Variants in PHKG1 observed in about 807,000 individuals in gnomAD.
PHKG1 encodes phosphorylase kinase catalytic subunit gamma 1.
In PHKG1, 48 loss-of-function variants were observed where a neutral mutation model predicts 50.5. The observed-to-expected ratio is 0.95, with a 90% CI of 0.75 to 1.21. The LOEUF is 1.21. Among genes scored for constraint, PHKG1 ranks in the 50% most tolerant of loss-of-function variants. The pLI is 0.00. For synonymous variants in PHKG1, 204 were observed against 212.8 expected (o/e 0.96, Z 0.36); for missense variants, 487 against 519.5 (o/e 0.94, Z 0.61).
chr7:56,090,702 T>C (rs777677576), intron 1 of PHKG1, among the ~76,000 whole-genome samples: 1 of 152,058 alleles, frequency 6.6e-6, no homozygotes, highest in Non-Finnish European at 1.5e-5. Flanking sequence ...TGAATGTGAG[T>C]CAAGGGTTGG....
rs111518183 is a variant in PHKG1 at position 56,086,616 on chromosome 7, G to A, written c.317+354C>T. On this transcript the variant is annotated intron_variant, in intron 4 of 9. Transcript: ENST00000297373. ...CGATTCTCCTGCCTCAGCCTCCCGC[G>A]TAGCTGGGGCCTCAGCCTCCCAAAC... Among the ~76,000 whole-genome samples, 9 of 152,234 alleles carry A rather than the reference G, an allele frequency of 5.9e-5. 1 individual carries two copies. Among genetic ancestry groups the A allele is most frequent in the East Asian group, 1.9e-4 (1 of 5,172 alleles).
chr7:56,087,194 T>TTTATTATTATTA (rs56665611), intron 3 of PHKG1, among the ~76,000 whole-genome samples, 170 bp from the exon 4 acceptor site: 145 of 136,080 alleles, frequency 1.1e-3, no homozygotes, highest in Admixed American at 4.5e-3. Context: ...GCCCAGGGAC[T>TTTATTATTATTA]TTATTATTAT....
At position 56,088,870 on chromosome 7, in the gene PHKG1, C is replaced by A; in HGVS notation, c.72G>T (p.Glu24Asp). The change falls in exon 2 of 10, where the codon GAG (glutamate) becomes GAT (aspartate). Residue 24 changes from glutamate (E) to aspartate (D), a missense_variant. Glu to Asp is a conservative substitution (Grantham distance 45, BLOSUM62 2). Transcript: ENST00000297373. ...AGCTTGGGCTTTACCTGCCCAGGAT[C>A]TCTTTGGGCTCATAATTCTCATAGA... Reference protein sequence around the residue: ...QDFYENYEPKEILGRGVSSVV... With the variant: ...QDFYENYEPKDILGRGVSSVV... The A allele has an allele frequency of 6.2e-7, 1 of 1,612,310 alleles. No homozygotes were observed. The highest frequency in any genetic ancestry group is 8.5e-7 in the Non-Finnish European group (1 of 1,178,792).
chr7:56,083,461 T>A lies in PHKG1; in HGVS notation c.384-20A>T. The A allele has an allele frequency of 1.2e-6, 2 of 1,613,076 alleles. No homozygotes were observed. The highest frequency in any genetic ancestry group is 1.7e-6 in the Non-Finnish European group (2 of 1,179,186). ...ATCTTTCTAGGGTGGGGCACACACT[T>A]GTTACTCTTCCTCTGCTCAGGGTCA... On this transcript the variant is annotated intron_variant, in intron 5 of 9. Transcript: ENST00000297373.
chr7:56,085,965 ACT>A (rs1202778803), intron 4 of PHKG1, among the ~76,000 whole-genome samples: 1 of 135,624 alleles, frequency 7.4e-6, no homozygotes, highest in Non-Finnish European at 1.6e-5. Flanking sequence ...CAATAGCAAA[ACT>A]CTGTCTCAAA....
intron 1 of PHKG1, among the ~76,000 whole-genome samples, chr7:56,091,516 C>CA (rs35935362): frequency 0.5 from 71,554 of 143,894 alleles, 17,568 homozygotes; most frequent in East Asian, 0.69. Flanking sequence ...GACTCCATCT[C>CA]AAAAAAAAAA....
Position 56,084,278 on chromosome 7 carries a change from G to A in PHKG1, c.318-563C>T, listed in dbSNP as rs755592453. 20 of 1,286,826 alleles carry A rather than the reference G, an allele frequency of 1.6e-5. 2 individuals are homozygous for A. In the South Asian group the frequency reaches 2.2e-4, roughly 14 times the overall value. 79.7% of individuals were successfully genotyped at this position (1,286,826 alleles called of 1,614,324 possible). On this transcript the variant is annotated intron_variant, in intron 4 of 9. Coordinates refer to ENST00000297373, the MANE Select transcript of PHKG1 (RefSeq NM_006213.5). ...GTGACAGTGTGGACTGGGATGTATC[G>A]GGGCCTAAATGATGGCTGGAGGCTG...
At chr7:56,084,360 G>T in intron 4 of PHKG1, 3 of 543,880 alleles carry the variant, frequency 5.5e-6, no homozygotes, top group South Asian at 2.3e-5. Context: ...AGAAGGACGT[G>T]AGTATCCCGA....
At chr7:56,084,300 G>C (rs1235010096) in intron 4 of PHKG1, 13 of 1,015,562 alleles carry the variant, frequency 1.3e-5, no homozygotes, top group Non-Finnish European at 1.9e-5. Flanking sequence ...ATGGCTGGAG[G>C]CTGAAAGAGG....
At chr7:56,082,357 C>T in intron 6 of PHKG1, 104 bp from the exon 7 acceptor site, 1 of 866,064 alleles carries the variant, frequency 1.2e-6, no homozygotes, top group Non-Finnish European at 1.8e-6. Flanking sequence ...CTTTGGGAGG[C>T]CGAGGCAGGT....
chr7:56,086,221 A>G (rs764971101), intron 4 of PHKG1, among the ~76,000 whole-genome samples: 1 of 151,838 alleles, frequency 6.6e-6, no homozygotes, highest in Non-Finnish European at 1.5e-5. Flanking sequence ...CTTTATCTGC[A>G]TAGGATATGT....
intron 1 of PHKG1, among the ~76,000 whole-genome samples, chr7:56,091,030 G>A (rs1239867900): frequency 1.3e-5 from 2 of 151,982 alleles, no homozygotes; most frequent in African/African-American, 4.8e-5. Context: ...TGGGCTACAT[G>A]GCGAGACCCC....
intron 1 of PHKG1, among the ~76,000 whole-genome samples, chr7:56,090,608 C>T (rs1029249415): frequency 7.2e-5 from 11 of 152,164 alleles, no homozygotes; most frequent in Admixed American, 5.2e-4. Context: ...GCTGTCACCT[C>T]CCCCACTAGA....
intron 2 of PHKG1, chr7:56,088,620 G>C (rs1165572829): frequency 2.6e-6 from 1 of 389,158 alleles, no homozygotes; most frequent in Non-Finnish European, 4.6e-6. Context: ...GCCTCCCAAA[G>C]TGCTGGGATT....
At chr7:56,087,571 G>C (rs773234849) in intron 3 of PHKG1, 27 bp downstream of exon 3, 2 of 1,600,694 alleles carry the variant, frequency 1.2e-6, no homozygotes, top group South Asian at 2.2e-5. Flanking sequence ...GGGGCACCCT[G>C]CCGTGTGGCT....
In PHKG1 at chr7:56,091,344, G is replaced by C. The variant is rs576681225; in HGVS notation, c.-35+1492C>G. The stretch of plus-strand genomic sequence containing the variant: ...ATCCTGGCTAACACGGTGAAACCCT[G>C]TTTCTACTAAAAAATACAAAAAATT... On this transcript the variant is annotated intron_variant, in intron 1 of 9. Coordinates refer to ENST00000297373, the MANE Select transcript of PHKG1 (RefSeq NM_006213.5). Among the ~76,000 whole-genome samples, 30 of 152,006 alleles carry C rather than the reference G, an allele frequency of 2.0e-4. No homozygotes were observed. In the South Asian group the frequency reaches 6.0e-3, roughly 31 times the overall value.
chr7:56,086,400 C>T (rs559015443), intron 4 of PHKG1, among the ~76,000 whole-genome samples: 18 of 152,108 alleles, frequency 1.2e-4, no homozygotes, highest in Admixed American at 5.2e-4. Flanking sequence ...GTGCCAGGCA[C>T]GGTGGCTTAT....
At position 56,081,979 on chromosome 7, in the gene PHKG1, T is replaced by C; in HGVS notation, c.706A>G (p.Met236Val). ...GSPPFWHRKQ[M>V]LMLRMIMSGN... ...CTCATGATCATCCTCAGCATCAGCA[T>C]CTGCTTCCGGTGCCAGAAGGGCGGG... The change falls in exon 8 of 10, where the codon ATG (methionine) becomes GTG (valine). Residue 236 changes from methionine (M) to valine (V), a missense_variant. Physicochemically the swap from Met to Val is conservative, Grantham distance 21. Coordinates refer to ENST00000297373, the MANE Select transcript of PHKG1 (RefSeq NM_006213.5). This position sits in a 1 kb window ranked among gnomAD's most constrained non-coding sequence, Gnocchi z 4.6. The C allele has an allele frequency of 6.2e-7, 1 of 1,613,920 alleles. No individual in the cohort carries two copies. Among genetic ancestry groups the C allele is most frequent in the Non-Finnish European group, 8.5e-7 (1 of 1,180,000 alleles).
At position 56,081,189 on chromosome 7, in the gene PHKG1, C is replaced by T. The variant is rs1260536416; in HGVS notation, c.1029G>A (p.Leu343=). 1 of 1,613,968 alleles carries T rather than the reference C, an allele frequency of 6.2e-7. No homozygotes were observed. The highest frequency in any genetic ancestry group is 1.7e-5 in the Admixed American group (1 of 60,014). The change falls in exon 10 of 10, where the codon CTG becomes CTA. Residue 343 remains leucine, a synonymous_variant. Coordinates refer to ENST00000297373, the MANE Select transcript of PHKG1 (RefSeq NM_006213.5). The surrounding 1 kb of genome is among the most constrained non-coding windows in gnomAD (Gnocchi z 4.6). ...VIRDPYALRP[L]RRLIDAYAFR... ...AAGCGTAGGCGTCGATGAGCCGGCG[C>T]AGAGGCCGGAGGGCATAGGGGTCTC...
Sources: gnomAD v4.1 joint callset for allele counts (sites outside exome capture counted in the v4.1 genomes callset) on GRCh38, gnomAD v4.1.1 for gene constraint, Gnocchi (gnomAD v3.1) non-coding constraint, MANE v1.5 for transcripts, NCBI Gene and HGNC (gene_info 2026-07-23, HGNC 2026-07-21) for gene names.